The following C4orf36 variants were observed in gnomAD, a reference collection of about 807,000 sequenced individuals.
The protein encoded by C4orf36 is uncharacterized protein C4orf36.
C4orf36 carries 11 observed loss-of-function variants against 12.2 expected under a neutral mutation model. That is an observed-to-expected ratio of 0.90 (90% CI 0.57 to 1.49). The LOEUF is 1.49. Among genes scored for constraint, C4orf36 ranks in the 40% most tolerant of loss-of-function variants. The probability of loss-of-function intolerance (pLI) is 0.00; values close to 1 mark genes in which losing one functional copy is unlikely to be tolerated. For missense variants in C4orf36, 137 were observed against 133.9 expected, an observed-to-expected ratio of 1.02 and a Z score of -0.11; for synonymous variants, 54 against 51.3, an observed-to-expected ratio of 1.05 and a Z score of -0.22.
the C4orf36 span, among the ~76,000 whole-genome samples, chr4:86,918,608 T>G: frequency 1.3e-5 from 2 of 152,162 alleles, no homozygotes; most frequent in African/African-American, 4.8e-5. Flanking sequence ...ATGTCACAAA[T>G]CAACAGGTAG....
At chr4:86,890,334 C>G (rs1747356432) in intron 2 of C4orf36, among the ~76,000 whole-genome samples, 1 of 151,896 alleles carries the variant, frequency 6.6e-6, no homozygotes, top group Non-Finnish European at 1.5e-5. Context: ...AGAATTAGTG[C>G]TCTTACCTAT....
chr4:86,893,877 TTTA>T, upstream of C4orf36, among the ~76,000 whole-genome samples: 1 of 137,762 alleles, frequency 7.3e-6, no homozygotes, highest in Admixed American at 7.0e-5. Flanking sequence ...TATTTATTTA[TTTA>T]TTTATTTATT....
the C4orf36 span, among the ~76,000 whole-genome samples, chr4:86,923,919 T>C: frequency 6.6e-6 from 1 of 152,338 alleles, no homozygotes; most frequent in South Asian, 2.1e-4. Context: ...TGCTTTCATG[T>C]CATATTAATA....
chr4:86,890,290 G>C, intron 2 of C4orf36: 1 of 376,986 alleles, frequency 2.7e-6, no homozygotes, highest in South Asian at 1.9e-5. Context: ...CATTGGTTGT[G>C]AAGTTGGGAT....
the C4orf36 span, chr4:86,934,352 A>G: frequency 6.6e-6 from 1 of 152,198 alleles, no homozygotes; most frequent in South Asian, 2.1e-4. Context: ...CCATGGGTCT[A>G]TTTGCCAAAG....
the C4orf36 span, among the ~76,000 whole-genome samples, chr4:86,919,879 T>G: frequency 1.3e-5 from 2 of 151,878 alleles, no homozygotes; most frequent in East Asian, 3.9e-4. Flanking sequence ...TACAAAAAAT[T>G]TAAAAATTAG....
intron 4 of C4orf36, among the ~76,000 whole-genome samples, chr4:86,885,190 T>G (rs1360273686): frequency 2.0e-5 from 3 of 152,330 alleles, no homozygotes; most frequent in Middle Eastern, 3.4e-3. Flanking sequence ...GGCTCTTTTT[T>G]GGTTCCATAT....
At chr4:86,877,247 G>A (rs377509158) in intron 4 of C4orf36, among the ~76,000 whole-genome samples, 57 of 152,296 alleles carry the variant, frequency 3.7e-4, no homozygotes, top group African/African-American at 1.3e-3. Context: ...TTGTGTAATC[G>A]TAAAATGGTC....
the C4orf36 span, among the ~76,000 whole-genome samples, chr4:86,900,610 TGG>T: frequency 6.6e-6 from 1 of 152,146 alleles, no homozygotes; most frequent in Non-Finnish European, 1.5e-5. Context: ...CTGGCCAGGT[TGG>T]TTAAGACACA....
chr4:86,929,353 ATTTTT>A, the C4orf36 span, among the ~76,000 whole-genome samples: 1 of 151,746 alleles, frequency 6.6e-6, no homozygotes, highest in African/African-American at 2.4e-5. Context: ...TTTTTATTTT[ATTTTT>A]TATTTTTACT....
chr4:86,917,482 AAAAG>A, the C4orf36 span, among the ~76,000 whole-genome samples: 10 of 142,556 alleles, frequency 7.0e-5, no homozygotes, highest in African/African-American at 2.2e-4. Flanking sequence ...GAAATAAAGA[AAAAG>A]AAAGGGAGAG....
At chr4:86,923,763 CAAAAAAA>C in the C4orf36 span, among the ~76,000 whole-genome samples, 1 of 62,420 alleles carries the variant, frequency 1.6e-5, no homozygotes, top group African/African-American at 5.0e-5. Flanking sequence ...GACTCTGTCT[CAAAAAAA>C]AAAAAAAAAA....
upstream of C4orf36, among the ~76,000 whole-genome samples, chr4:86,896,181 G>C (rs1464173016): frequency 6.6e-6 from 1 of 152,152 alleles, no homozygotes; most frequent in Non-Finnish European, 1.5e-5. Flanking sequence ...TACAGGATTT[G>C]AACCCAGACT....
chr4:86,912,179 A>T, the C4orf36 span, among the ~76,000 whole-genome samples: 1 of 151,902 alleles, frequency 6.6e-6, no homozygotes, highest in Admixed American at 6.6e-5. Context: ...TCAGCCATTT[A>T]AAAAAACAAA....
chr4:86,909,726 T>A, the C4orf36 span, among the ~76,000 whole-genome samples: 1 of 151,730 alleles, frequency 6.6e-6, no homozygotes, highest in Non-Finnish European at 1.5e-5. Context: ...ACACCTCAAA[T>A]CCCCTGCCCA....
chr4:86,912,687 C>G, the C4orf36 span, among the ~76,000 whole-genome samples: 2 of 152,122 alleles, frequency 1.3e-5, no homozygotes, highest in African/African-American at 4.8e-5. Flanking sequence ...ATTGAACTAA[C>G]CAATGCATGT....
chr4:86,913,262 A>C, the C4orf36 span: 1 of 597,636 alleles, frequency 1.7e-6, no homozygotes, highest in Non-Finnish European at 3.2e-6. Context: ...CTTCACATCC[A>C]GAGGCCCTGG....
At chr4:86,889,695 C>T (rs377340823) in intron 2 of C4orf36, among the ~76,000 whole-genome samples, 12 of 151,940 alleles carry the variant, frequency 7.9e-5, no homozygotes, top group Admixed American at 3.3e-4. Context: ...GCAGGAGGAT[C>T]GCTGGAGGCC....
chr4:86,932,091 A>C, the C4orf36 span: 3 of 151,630 alleles, frequency 2.0e-5, 1 homozygote, highest in South Asian at 6.2e-4. Context: ...TCACGCCTGT[A>C]ATCCCAGCAC....
Sources: gnomAD v4.1 joint callset for allele counts (sites outside exome capture counted in the v4.1 genomes callset) on GRCh38, gnomAD v4.1.1 for gene constraint, MANE v1.5 for transcripts, NCBI Gene and HGNC (gene_info 2026-07-23, HGNC 2026-07-21) for gene names.